FBXL20: variants seen among roughly 807,000 people sequenced by gnomAD.
The protein encoded by FBXL20 is F-box/LRR-repeat protein 20.
In FBXL20, 11 loss-of-function variants were observed where a neutral mutation model predicts 64.0. The ratio of observed to expected loss-of-function variants is 0.17; its 90% confidence interval spans 0.11 to 0.28. The LOEUF (loss-of-function observed/expected upper bound fraction) is 0.28. Ranked by LOEUF, FBXL20 falls within the 10% of genes least tolerant of loss-of-function variation. The pLI is 1.00. For missense variants in FBXL20, 303 were observed against 526.2 expected, an observed-to-expected ratio of 0.58 and a Z score of 4.15; for synonymous variants, 184 against 189.0, an observed-to-expected ratio of 0.97 and a Z score of 0.22.
chr17:39,373,008 T>C (rs2047933541), intron 1 of FBXL20, among the ~76,000 whole-genome samples: 1 of 142,814 alleles, frequency 7.0e-6, no homozygotes, highest in East Asian at 2.0e-4. Flanking sequence ...TTTTCTTTTC[T>C]TTTTTTTTTT....
intron 9 of FBXL20, among the ~76,000 whole-genome samples, chr17:39,278,689 G>A (rs912737034): frequency 4.0e-5 from 6 of 150,450 alleles, no homozygotes; most frequent in South Asian, 2.1e-4. Flanking sequence ...CTGGGATTAC[G>A]GGCACACACC....
At chr17:39,390,168 T>C (rs2048121033) in intron 1 of FBXL20, among the ~76,000 whole-genome samples, 1 of 152,178 alleles carries the variant, frequency 6.6e-6, no homozygotes, top group Admixed American at 6.6e-5. Context: ...CTGGGTGCAG[T>C]GGCTCATACC....
At chr17:39,300,875 G>T (rs2047128067) in intron 4 of FBXL20, 126 bp downstream of exon 4, 4 of 862,908 alleles carry the variant, frequency 4.6e-6, no homozygotes, top group African/African-American at 1.7e-5. Flanking sequence ...TTCCTGTAAA[G>T]TTCAGATGCA....
At chr17:39,382,839 T>TA (rs1202279997) in intron 1 of FBXL20, among the ~76,000 whole-genome samples, 1 of 151,616 alleles carries the variant, frequency 6.6e-6, no homozygotes, top group Non-Finnish European at 1.5e-5. Context: ...ACGTTGTCTC[T>TA]AATAAGATAA....
chr17:39,260,855 AC>A lies in FBXL20; in HGVS notation c.*604del, dbSNP rs1298962911. 6.4e-6 allele frequency: 1 copy of A among 155,380 alleles called. No homozygotes were observed. Among genetic ancestry groups the A allele is most frequent in the African/African-American group, 2.4e-5 (1 of 41,464 alleles). 9.6% of individuals were successfully genotyped at this position (155,380 alleles called of 1,614,324 possible). ...TTTGGACCACAGTGATTTCAAGGCA[AC>A]CATTTAGGAAACCTCTGGGCCAAAT... On this transcript the variant is annotated 3_prime_UTR_variant, in exon 15 of 15. Coordinates refer to ENST00000264658, the MANE Select transcript of FBXL20 (RefSeq NM_032875.3).
intron 2 of FBXL20, among the ~76,000 whole-genome samples, chr17:39,304,184 C>T (rs1277464012): frequency 6.6e-6 from 1 of 151,610 alleles, no homozygotes; most frequent in Non-Finnish European, 1.5e-5. Context: ...CAATTACCTA[C>T]ACCAAAGGAT....
chr17:39,361,792 G>A (rs776728420), intron 1 of FBXL20, among the ~76,000 whole-genome samples: 66 of 151,794 alleles, frequency 4.3e-4, no homozygotes, highest in Non-Finnish European at 8.5e-4. Context: ...GCGAGACTCC[G>A]TCTCAAAAAA....
At chr17:39,263,309 G>A (rs1048999382) in intron 14 of FBXL20, among the ~76,000 whole-genome samples, 1 of 152,206 alleles carries the variant, frequency 6.6e-6, no homozygotes, top group Non-Finnish European at 1.5e-5. Context: ...GAGCTCAGGA[G>A]TTTGAAACCG....
chr17:39,329,753 T>C (rs2144534797), intron 2 of FBXL20, among the ~76,000 whole-genome samples: 1 of 152,220 alleles, frequency 6.6e-6, no homozygotes, highest in East Asian at 1.9e-4. Flanking sequence ...ATCCCAGTGC[T>C]TTGGGAGGCC....
chr17:39,355,748 G>T (rs372620835), intron 1 of FBXL20, among the ~76,000 whole-genome samples: 1 of 151,322 alleles, frequency 6.6e-6, no homozygotes, highest in Non-Finnish European at 1.5e-5. Flanking sequence ...CCAGCTACTT[G>T]GGAGGCTGAG....
intron 1 of FBXL20, among the ~76,000 whole-genome samples, chr17:39,398,234 C>G (rs960516431): frequency 1.3e-5 from 2 of 151,982 alleles, no homozygotes; most frequent in Admixed American, 6.6e-5. Context: ...GAGCCGAGAT[C>G]GCACCATTGC....
intron 1 of FBXL20, among the ~76,000 whole-genome samples, chr17:39,345,063 T>A (rs1195553385): frequency 6.6e-6 from 1 of 152,182 alleles, no homozygotes; most frequent in African/African-American, 2.4e-5. Context: ...CCAGTAAAAA[T>A]GGCACATACA....
chr17:39,324,042 G>C (rs1359340076), intron 2 of FBXL20, among the ~76,000 whole-genome samples: 3 of 106,952 alleles, frequency 2.8e-5, no homozygotes, highest in East Asian at 5.1e-4. Context: ...GCCTCCCAAA[G>C]TGCTGGGATT....
chr17:39,364,447 A>C (rs970563648), intron 1 of FBXL20, among the ~76,000 whole-genome samples: 3 of 152,122 alleles, frequency 2.0e-5, no homozygotes, highest in African/African-American at 7.2e-5. Context: ...TCTCTCAAAA[A>C]CAACAACAAA....
At chr17:39,330,153 C>T (rs184516478) in intron 2 of FBXL20, among the ~76,000 whole-genome samples, 199 of 151,210 alleles carry the variant, frequency 1.3e-3, no homozygotes, top group Admixed American at 3.2e-3. Flanking sequence ...AAATATTAGC[C>T]GGGCATGATG....
intron 1 of FBXL20, among the ~76,000 whole-genome samples, chr17:39,351,348 A>AT (rs1236357707): frequency 1.3e-5 from 2 of 152,010 alleles, no homozygotes; most frequent in East Asian, 3.9e-4. Context: ...CCAAAAAAAA[A>AT]AAAAAAAAGA....
chr17:39,317,678 T>C (rs536819460), intron 2 of FBXL20, among the ~76,000 whole-genome samples: 794 of 63,622 alleles, frequency 0.012, 19 homozygotes, highest in African/African-American at 0.092. Context: ...TTTGACTTTG[T>C]TTTTTTTTTT....
chr17:39,335,919 T>A (rs1161648440), intron 2 of FBXL20, among the ~76,000 whole-genome samples: 2 of 152,032 alleles, frequency 1.3e-5, no homozygotes, highest in East Asian at 1.9e-4. Context: ...GGGGAGAGAA[T>A]TGCTTGAGGC....
chr17:39,273,367 T>C (rs973431101), intron 10 of FBXL20, among the ~76,000 whole-genome samples: 2 of 152,106 alleles, frequency 1.3e-5, no homozygotes, highest in African/African-American at 4.8e-5. Context: ...TCAGAAACAA[T>C]TTTCTGAAAG....
Sources: allele counts gnomAD v4.1 joint callset (sites outside exome capture counted in the v4.1 genomes callset), GRCh38; gene constraint gnomAD v4.1.1; transcripts MANE v1.5; gene names NCBI Gene and HGNC (gene_info 2026-07-23, HGNC 2026-07-21).